Variants in TMTC1 observed in about 807,000 individuals in gnomAD.
TMTC1 encodes protein O-mannosyl-transferase TMTC1.
Under a neutral mutation model 104.8 loss-of-function variants are expected in TMTC1, and 73 were observed. The observed-to-expected ratio is 0.70, with a 90% confidence interval of 0.58 to 0.85. TMTC1 has a LOEUF of 0.85. Among genes scored for constraint, TMTC1 ranks in the 40% least tolerant of loss-of-function variants. TMTC1 has a pLI of 0.00. For synonymous variants in TMTC1, 434 were observed against 428.7 expected, an observed-to-expected ratio of 1.01 and a Z score of -0.15; for missense variants, 1,035 against 1,096.1, an observed-to-expected ratio of 0.94 and a Z score of 0.79.
chr12:29,724,826 A>C (rs893034734), intron 5 of TMTC1, among the ~76,000 whole-genome samples: 2 of 152,168 alleles, frequency 1.3e-5, no homozygotes, highest in African/African-American at 4.8e-5. Flanking sequence ...ATACACAAGG[A>C]TCTTTTAAAC....
At chr12:29,675,800 G>T (rs1419167560) in intron 5 of TMTC1, among the ~76,000 whole-genome samples, 2 of 151,984 alleles carry the variant, frequency 1.3e-5, no homozygotes. Context: ...ATCTAACTTG[G>T]ATGAGCCAAT....
intron 10 of TMTC1, among the ~76,000 whole-genome samples, chr12:29,551,992 T>C (rs1945118098): frequency 6.6e-6 from 1 of 152,198 alleles, no homozygotes; most frequent in Admixed American, 6.5e-5. Flanking sequence ...CAGTGAAGTC[T>C]GCTGCTATGA....
chr12:29,663,237 C>A (rs904341566), intron 5 of TMTC1, among the ~76,000 whole-genome samples: 1 of 152,208 alleles, frequency 6.6e-6, no homozygotes. Flanking sequence ...AACTCAACCA[C>A]GACCACTCTG....
At chr12:29,510,997 C>T (rs1350297837) in intron 17 of TMTC1, among the ~76,000 whole-genome samples, 1 of 152,112 alleles carries the variant, frequency 6.6e-6, no homozygotes, top group African/African-American at 2.4e-5. Flanking sequence ...AACCTTAGGG[C>T]CTCTGCACGT....
intron 7 of TMTC1, among the ~76,000 whole-genome samples, chr12:29,593,310 A>C (rs2136361773): frequency 6.6e-6 from 1 of 152,322 alleles, no homozygotes; most frequent in Non-Finnish European, 1.5e-5. Flanking sequence ...GGTGAAGTTA[A>C]AGGTACCAAA....
chr12:29,761,533 ACT>A (rs983854140), intron 2 of TMTC1, among the ~76,000 whole-genome samples: 31 of 151,374 alleles, frequency 2.0e-4, no homozygotes, highest in Middle Eastern at 6.9e-3. Context: ...GAAACAGATG[ACT>A]CTTTACAAAT....
intron 11 of TMTC1, 58 bp from the exon 12 acceptor site, chr12:29,520,778 A>G: frequency 7.2e-7 from 1 of 1,385,080 alleles, no homozygotes; most frequent in East Asian, 2.3e-5. Flanking sequence ...ACCAACAATA[A>G]CTGAATATTA....
intron 5 of TMTC1, among the ~76,000 whole-genome samples, chr12:29,641,823 C>A: frequency 6.6e-6 from 1 of 151,960 alleles, no homozygotes; most frequent in East Asian, 1.9e-4. Flanking sequence ...AGGCAAAGCC[C>A]AATGCAAGGA....
intron 7 of TMTC1, among the ~76,000 whole-genome samples, chr12:29,594,911 A>G (rs1241200898): frequency 2.0e-5 from 3 of 152,224 alleles, no homozygotes; most frequent in Non-Finnish European, 4.4e-5. Context: ...AAGAGGTTTG[A>G]AGAACCAAAG....
chr12:29,765,142 T>G (rs1185613009), intron 2 of TMTC1, among the ~76,000 whole-genome samples: 1 of 152,228 alleles, frequency 6.6e-6, no homozygotes, highest in Non-Finnish European at 1.5e-5. Flanking sequence ...AGTCTTTGAT[T>G]ATTTTTCTTC....
intron 5 of TMTC1, among the ~76,000 whole-genome samples, chr12:29,636,155 C>A (rs1220501723): frequency 6.6e-6 from 1 of 151,770 alleles, no homozygotes; most frequent in Non-Finnish European, 1.5e-5. Flanking sequence ...AAATAATTGA[C>A]GAAGAGGAAG....
At position 29,518,569 on chromosome 12, in the gene TMTC1, T is replaced by A; in HGVS notation, c.1927A>T (p.Ile643Phe). The change falls in exon 13 of 18, where the codon ATC (isoleucine) becomes TTC (phenylalanine). Residue 643 changes from isoleucine (I) to phenylalanine (F), a missense_variant. By Grantham distance (21) the Ile-to-Phe change is conservative. Transcript: ENST00000539277. ...ACGTGATGACTGGGGCTAAGTTTGA[T>A]GGCCTGCTGGTAATGGGCCACTGCC... ...EKAVAHYQQA[I>F]KLSPSHHVAM... 8 of 1,614,154 alleles carry A rather than the reference T, an allele frequency of 5.0e-6. No homozygotes were observed. The highest frequency in any genetic ancestry group is 6.8e-6 in the Non-Finnish European group (8 of 1,179,968).
chr12:29,612,965 A>G (rs1302257063), intron 6 of TMTC1, among the ~76,000 whole-genome samples: 1 of 152,218 alleles, frequency 6.6e-6, no homozygotes, highest in African/African-American at 2.4e-5. Context: ...CAGGGGTTCA[A>G]TGAATAAATT....
intron 10 of TMTC1, among the ~76,000 whole-genome samples, chr12:29,547,493 A>G (rs1033302579): frequency 1.3e-5 from 2 of 152,260 alleles, no homozygotes; most frequent in African/African-American, 4.8e-5. Flanking sequence ...GTACATAGAC[A>G]TTCTCGTTAT....
intron 9 of TMTC1, 90 bp from the exon 10 acceptor site, chr12:29,557,090 G>T: frequency 7.1e-7 from 1 of 1,408,078 alleles, no homozygotes; most frequent in Non-Finnish European, 9.7e-7. Flanking sequence ...AGTATGAACA[G>T]CCAAAATGAA....
intron 6 of TMTC1, among the ~76,000 whole-genome samples, chr12:29,610,226 G>C (rs1219498695): frequency 1.3e-5 from 2 of 152,198 alleles, no homozygotes; most frequent in Admixed American, 1.3e-4. Context: ...GGGCTGGTGT[G>C]AGCTACTAGG....
At chr12:29,733,906 C>T (rs745339397) in intron 5 of TMTC1, among the ~76,000 whole-genome samples, 1 of 152,138 alleles carries the variant, frequency 6.6e-6, no homozygotes, top group African/African-American at 2.4e-5. Context: ...CAATGCAAGG[C>T]CATTATTTTT....
Position 29,783,883 on chromosome 12 carries a change from G to T in TMTC1, c.-132C>A. 3 of 901,488 alleles carry T rather than the reference G, an allele frequency of 3.3e-6. No homozygotes were observed. Among genetic ancestry groups the T allele is most frequent in the Non-Finnish European group, 4.1e-6 (3 of 739,326 alleles). 55.8% of individuals were successfully genotyped at this position (901,488 alleles called of 1,614,324 possible). A position where few individuals can be genotyped will look rare whatever the true frequency, so the allele number is the denominator to read the frequency against. On this transcript the variant is annotated 5_prime_UTR_variant, in exon 1 of 18. Coordinates refer to ENST00000539277, the MANE Select transcript of TMTC1 (RefSeq NM_001193451.2). The surrounding 1 kb of genome is among the most constrained non-coding windows in gnomAD (Gnocchi z 4.7). ...TGGTGCTGCGGCAGCTGGACCCGCC[G>T]CGAGCTCCCCGCGCTCCGCCGCCGC... is the stretch of plus-strand genomic sequence containing the variant.
intron 9 of TMTC1, among the ~76,000 whole-genome samples, chr12:29,570,088 T>C (rs565171340): frequency 7.2e-5 from 11 of 152,192 alleles, no homozygotes; most frequent in Non-Finnish European, 1.5e-4. Context: ...ATTAAAAAGA[T>C]ACTGATACAT....
Sources: gnomAD v4.1 joint callset for allele counts (sites outside exome capture counted in the v4.1 genomes callset) on GRCh38, gnomAD v4.1.1 for gene constraint, Gnocchi (gnomAD v3.1) non-coding constraint, MANE v1.5 for transcripts, NCBI Gene and HGNC (gene_info 2026-07-23, HGNC 2026-07-21) for gene names.